Variants in MECOM observed in about 807,000 individuals in gnomAD.
The protein encoded by MECOM is MDS1 and EVI1 complex locus, also known as histone-lysine N-methyltransferase MECOM.
A neutral mutation model predicts 116.3 loss-of-function variants in MECOM; 13 were observed. That is an observed-to-expected ratio of 0.11 (90% CI 0.07 to 0.18). The LOEUF is 0.18. Among genes scored for constraint, MECOM ranks in the 10% least tolerant of loss-of-function variants. The pLI is 1.00. For missense variants in MECOM, 1,299 were observed against 1,509.0 expected, an observed-to-expected ratio of 0.86 and a Z score of 2.31; for synonymous variants, 528 against 535.2, an observed-to-expected ratio of 0.99 and a Z score of 0.19.
intron 1 of MECOM, among the ~76,000 whole-genome samples, chr3:169,405,070 C>T (rs1400160867): frequency 1.3e-5 from 2 of 152,210 alleles, no homozygotes; most frequent in Admixed American, 6.5e-5. Flanking sequence ...TCTGGCTTCT[C>T]CCAGGGGAAG....
At chr3:169,550,510 C>A (rs892211799) in intron 1 of MECOM, among the ~76,000 whole-genome samples, 1 of 152,238 alleles carries the variant, frequency 6.6e-6, no homozygotes, top group Admixed American at 6.5e-5. Flanking sequence ...AACCAGGCTA[C>A]GCCACAAGGA....
chr3:169,413,506 C>A (rs1200544454), intron 1 of MECOM, among the ~76,000 whole-genome samples: 1 of 149,556 alleles, frequency 6.7e-6, no homozygotes, highest in Non-Finnish European at 1.5e-5. Context: ...TTTTTTGTAC[C>A]CAAGTGGCAT....
chr3:169,579,447 G>T (rs557679863), intron 1 of MECOM, among the ~76,000 whole-genome samples: 7 of 152,232 alleles, frequency 4.6e-5, no homozygotes, highest in African/African-American at 1.7e-4. Context: ...TTAGAGTTAG[G>T]AAACAGGGAC....
chr3:169,363,058 C>G (rs1293147221), intron 2 of MECOM, among the ~76,000 whole-genome samples: 1 of 151,806 alleles, frequency 6.6e-6, no homozygotes, highest in Non-Finnish European at 1.5e-5. Flanking sequence ...CCCTGTATGC[C>G]ACCTACTGTT....
intron 1 of MECOM, among the ~76,000 whole-genome samples, chr3:169,382,484 T>A (rs1732568145): frequency 6.6e-6 from 1 of 151,984 alleles, no homozygotes; most frequent in South Asian, 2.1e-4. Flanking sequence ...CCTTAAGACC[T>A]CTATGAAACT....
intron 2 of MECOM, among the ~76,000 whole-genome samples, chr3:169,154,218 G>A (rs1452978006): frequency 1.3e-5 from 2 of 151,998 alleles, no homozygotes; most frequent in South Asian, 2.1e-4. Context: ...CCCTAAAAAC[G>A]AGGGTAGGAA....
At chr3:169,281,287 G>A (rs1413780788) in intron 2 of MECOM, among the ~76,000 whole-genome samples, 1 of 152,156 alleles carries the variant, frequency 6.6e-6, no homozygotes, top group African/African-American at 2.4e-5. Flanking sequence ...GTATCTCTGG[G>A]TGTAGAAATA....
At chr3:169,626,043 T>C (rs995687739) in intron 1 of MECOM, among the ~76,000 whole-genome samples, 1 of 152,238 alleles carries the variant, frequency 6.6e-6, no homozygotes, top group African/African-American at 2.4e-5. Flanking sequence ...CTCATTTTAT[T>C]CAAAAGTTTC....
At chr3:169,620,599 T>C (rs146375636) in intron 1 of MECOM, among the ~76,000 whole-genome samples, 118 of 152,326 alleles carry the variant, frequency 7.7e-4, no homozygotes, top group African/African-American at 2.2e-3. Flanking sequence ...TTTTAAGTGA[T>C]TCAGCCAAGG....
intron 1 of MECOM, among the ~76,000 whole-genome samples, chr3:169,594,235 C>G (rs955261087): frequency 6.8e-6 from 1 of 146,094 alleles, no homozygotes; most frequent in Admixed American, 6.8e-5. Context: ...TCTCTTAAAA[C>G]TAGCTGACCC....
Position 169,084,069 on chromosome 3 carries a change from G to A in MECOM, c.*840C>T. ...AGACGTCATAAAGTAGTGGCTGACT[G>A]GAACAGTGCTATTTTAATCAACAAA... On this transcript the variant is annotated 3_prime_UTR_variant, in exon 17 of 17. Transcript: ENST00000651503. 4.3e-6 allele frequency: 1 copy of A among 231,444 alleles called. No individual in the cohort carries two copies. Among genetic ancestry groups the A allele is most frequent in the East Asian group, 6.1e-5 (1 of 16,316 alleles). The allele number at this position is 231,444 out of a possible 1,614,324, so 14.3% of individuals were successfully genotyped here.
At chr3:169,507,231 A>C (rs900754716) in intron 1 of MECOM, among the ~76,000 whole-genome samples, 2 of 152,222 alleles carry the variant, frequency 1.3e-5, no homozygotes, top group Admixed American at 1.3e-4. Context: ...CACTAAAGCA[A>C]ACTTCTCTTT....
Position 169,549,267 on chromosome 3 carries a change from C to T in MECOM, c.37+114069G>A, listed in dbSNP as rs115709945. Among the ~76,000 whole-genome samples, 616 of 152,154 alleles carry T rather than the reference C, an allele frequency of 4.0e-3. 6 individuals are homozygous for T. The highest frequency in any genetic ancestry group is 0.014 in the African/African-American group (585 of 41,514). The stretch of plus-strand genomic sequence containing the variant: ...GATTACAGGTGTGAGTCACCGTGCC[C>T]GGCCGACACTTGTCTCTGTATAACT... On this transcript the variant is annotated intron_variant, in intron 1 of 16. Coordinates refer to ENST00000651503, the MANE Select transcript of MECOM (RefSeq NM_004991.4).
intron 2 of MECOM, among the ~76,000 whole-genome samples, chr3:169,220,246 C>T (rs1751963966): frequency 6.6e-6 from 1 of 151,980 alleles, no homozygotes; most frequent in Non-Finnish European, 1.5e-5. Flanking sequence ...GAGAGGATCA[C>T]CTGGGAGGCA....
chr3:169,662,798 G>A (rs1044843307), intron 1 of MECOM, among the ~76,000 whole-genome samples: 24 of 151,944 alleles, frequency 1.6e-4, no homozygotes, highest in Non-Finnish European at 3.4e-4. Context: ...CGCCACTGTG[G>A]CTCCCTCTGA....
At chr3:169,635,425 C>G (rs1456670277) in intron 1 of MECOM, among the ~76,000 whole-genome samples, 1 of 152,208 alleles carries the variant, frequency 6.6e-6, no homozygotes, top group East Asian at 1.9e-4. Context: ...TTGGAACTAT[C>G]TTCTCCAACC....
intron 2 of MECOM, among the ~76,000 whole-genome samples, chr3:169,209,406 G>C (rs1323019929): frequency 6.6e-6 from 1 of 152,158 alleles, no homozygotes; most frequent in Non-Finnish European, 1.5e-5. Flanking sequence ...ACTGTCATCA[G>C]AGTGAACAGG....
chr3:169,592,553 C>A (rs1203307183), intron 1 of MECOM, among the ~76,000 whole-genome samples: 1 of 152,180 alleles, frequency 6.6e-6, no homozygotes, highest in Non-Finnish European at 1.5e-5. Context: ...TTGCCCAATG[C>A]CCAGTTTAGG....
At chr3:169,380,340 A>G (rs1218117317) in intron 2 of MECOM, among the ~76,000 whole-genome samples, 3 of 152,172 alleles carry the variant, frequency 2.0e-5, no homozygotes, top group Non-Finnish European at 2.9e-5. Context: ...TCCAGAAATT[A>G]TGATGTAATG....
Sources: gnomAD v4.1 joint callset for allele counts (sites outside exome capture counted in the v4.1 genomes callset) on GRCh38, gnomAD v4.1.1 for gene constraint, MANE v1.5 for transcripts, NCBI Gene and HGNC (gene_info 2026-07-23, HGNC 2026-07-21) for gene names.